LRP1B: variants seen among roughly 807,000 people sequenced by gnomAD.
LRP1B encodes the protein LDL receptor related protein 1B.
Under a neutral mutation model 556.6 loss-of-function variants are expected in LRP1B, and 217 were observed. The observed-to-expected ratio is 0.39, with a 90% CI of 0.35 to 0.44. LRP1B has a LOEUF of 0.44. Among genes scored for constraint, LRP1B ranks in the 20% least tolerant of loss-of-function variants. The probability of loss-of-function intolerance (pLI) is 1.00; values close to 1 mark genes in which losing one functional copy is unlikely to be tolerated. For synonymous variants in LRP1B, 2,047 were observed against 1,865.8 expected, an observed-to-expected ratio of 1.10 and a Z score of -2.50; for missense variants, 5,053 against 5,620.8, an observed-to-expected ratio of 0.90 and a Z score of 3.23.
At chr2:141,683,669 G>T (rs1464441196) in intron 2 of LRP1B, among the ~76,000 whole-genome samples, 1 of 152,034 alleles carries the variant, frequency 6.6e-6, no homozygotes, top group Non-Finnish European at 1.5e-5. Flanking sequence ...ATTTAGGGAA[G>T]AACTGTTTAT....
chr2:140,345,837 TACAC>T (rs1343777583), intron 77 of LRP1B, among the ~76,000 whole-genome samples: 1 of 138,788 alleles, frequency 7.2e-6, no homozygotes, highest in African/African-American at 2.7e-5. Flanking sequence ...CATATATATA[TACAC>T]ATACACACAC....
chr2:140,374,231 T>C (rs1683122482), intron 68 of LRP1B, among the ~76,000 whole-genome samples: 1 of 152,174 alleles, frequency 6.6e-6, no homozygotes, highest in Non-Finnish European at 1.5e-5. Context: ...ACTGGGATGA[T>C]GTTTTCTGTT....
intron 41 of LRP1B, among the ~76,000 whole-genome samples, chr2:140,654,237 T>C (rs1684793399): frequency 6.6e-6 from 1 of 152,116 alleles, no homozygotes; most frequent in Admixed American, 6.6e-5. Context: ...TGTTACACTT[T>C]TCTTCAATGA....
At chr2:141,651,051 A>G (rs562611151) in intron 2 of LRP1B, among the ~76,000 whole-genome samples, 1 of 152,316 alleles carries the variant, frequency 6.6e-6, no homozygotes, top group African/African-American at 2.4e-5. Context: ...CGGACTTTAC[A>G]ATGGAGAAAG....
intron 1 of LRP1B, among the ~76,000 whole-genome samples, chr2:141,931,562 C>T (rs905349726): frequency 6.6e-6 from 1 of 151,848 alleles, no homozygotes; most frequent in South Asian, 2.1e-4. Context: ...AAAGTTTTCT[C>T]TTTTGATTAT....
At chr2:141,455,644 C>T (rs1025927195) in intron 3 of LRP1B, among the ~76,000 whole-genome samples, 3 of 151,976 alleles carry the variant, frequency 2.0e-5, no homozygotes, top group Non-Finnish European at 2.9e-5. Flanking sequence ...GAATGCATTG[C>T]GTATCCTTAG....
intron 15 of LRP1B, among the ~76,000 whole-genome samples, chr2:140,998,534 C>T (rs117451012): frequency 0.018 from 2,689 of 152,078 alleles, 73 homozygotes; most frequent in East Asian, 0.12. Flanking sequence ...TTCCAAGTTA[C>T]TATGCTACAA....
At chr2:140,448,832 T>C (rs557880056) in intron 63 of LRP1B, among the ~76,000 whole-genome samples, 11 of 152,224 alleles carry the variant, frequency 7.2e-5, no homozygotes, top group African/African-American at 2.2e-4. Flanking sequence ...TTCCACAATG[T>C]ATACATATAT....
intron 1 of LRP1B, among the ~76,000 whole-genome samples, chr2:141,982,537 G>T (rs543999461): frequency 6.6e-6 from 1 of 152,032 alleles, no homozygotes; most frequent in South Asian, 2.1e-4. Flanking sequence ...ATATTTGAAC[G>T]CTAAAACCAC....
chr2:142,004,979 A>G (rs1360964130), intron 1 of LRP1B, among the ~76,000 whole-genome samples: 1 of 149,218 alleles, frequency 6.7e-6, no homozygotes, highest in Non-Finnish European at 1.5e-5. Context: ...CTATATATTT[A>G]GTATTATAGA....
chr2:140,273,342 T>C (rs1682544487), intron 85 of LRP1B, among the ~76,000 whole-genome samples: 1 of 152,074 alleles, frequency 6.6e-6, no homozygotes, highest in Non-Finnish European at 1.5e-5. Flanking sequence ...TTTGGACGCA[T>C]GTTTCACTTT....
At chr2:141,508,482 A>AAG (rs1314407060) in intron 2 of LRP1B, among the ~76,000 whole-genome samples, 2 of 152,182 alleles carry the variant, frequency 1.3e-5, no homozygotes, top group African/African-American at 4.8e-5. Flanking sequence ...CCAGTGTATA[A>AAG]AGAGAAAACT....
intron 17 of LRP1B, among the ~76,000 whole-genome samples, chr2:140,983,079 CT>C (rs142134108): frequency 0.027 from 4,061 of 152,130 alleles, 179 homozygotes; most frequent in African/African-American, 0.089. Flanking sequence ...ATCAGGGCAA[CT>C]TTTAAAAAGC....
At chr2:141,993,908 G>A (rs11893493) in intron 1 of LRP1B, among the ~76,000 whole-genome samples, 8,470 of 60,900 alleles carry the variant, frequency 0.14, 781 homozygotes, top group African/African-American at 0.31. Flanking sequence ...ATACTTTTAA[G>A]GTTTATGTTT....
At chr2:140,926,850 A>T (rs1185706688) in intron 20 of LRP1B, among the ~76,000 whole-genome samples, 1 of 152,100 alleles carries the variant, frequency 6.6e-6, no homozygotes, top group Non-Finnish European at 1.5e-5. Context: ...GAGGAATGCC[A>T]AGACCTCACA....
At chr2:140,274,979 C>T (rs1682608560) in intron 84 of LRP1B, among the ~76,000 whole-genome samples, 1 of 151,970 alleles carries the variant, frequency 6.6e-6, no homozygotes, top group South Asian at 2.1e-4. Flanking sequence ...CTCCTTCACA[C>T]CTCTTTTCAT....
At chr2:141,859,110 C>T (rs1430725043) in intron 1 of LRP1B, among the ~76,000 whole-genome samples, 6 of 152,256 alleles carry the variant, frequency 3.9e-5, no homozygotes, top group African/African-American at 1.4e-4. Context: ...TAACCTTGAG[C>T]TTACTAAAAA....
rs868766783 is a variant in LRP1B at position 141,045,142 on chromosome 2, T to C, written c.1789+3844A>G. 3.1e-5 allele frequency among the ~76,000 whole-genome samples: 4 copies of C among 130,992 alleles called. No individual in the cohort carries two copies. In the South Asian group the frequency reaches 8.7e-4, roughly 28 times the overall value. 85.9% of individuals were successfully genotyped at this position (130,992 alleles called of 152,430 possible). A position where few individuals can be genotyped will look rare whatever the true frequency, so the allele number is the denominator to read the frequency against. The stretch of plus-strand genomic sequence containing the variant: ...GTGGGGACATGGATGAAATTGGAAA[T>C]CATCATTCTCAGTAAACTATCGCAA... On this transcript the variant is annotated intron_variant, in intron 11 of 90. Transcript: ENST00000389484.
At chr2:140,479,587 G>A (rs555714989) in intron 59 of LRP1B, among the ~76,000 whole-genome samples, 1 of 152,186 alleles carries the variant, frequency 6.6e-6, no homozygotes, top group South Asian at 2.1e-4. Context: ...TTAAATAGAA[G>A]TCTTTCTCAG....
Sources: gnomAD v4.1 joint callset for allele counts (sites outside exome capture counted in the v4.1 genomes callset) on GRCh38, gnomAD v4.1.1 for gene constraint, MANE v1.5 for transcripts, NCBI Gene and HGNC (gene_info 2026-07-23, HGNC 2026-07-21) for gene names.